Variants in ROBO2 observed in about 807,000 individuals in gnomAD.
The protein encoded by ROBO2 is roundabout guidance receptor 2, also known as roundabout homolog 2.
ROBO2 carries 53 observed loss-of-function variants against 160.8 expected under a neutral mutation model. That is an observed-to-expected ratio of 0.33 (90% CI 0.26 to 0.41). ROBO2 has a LOEUF of 0.41. Ranked by LOEUF, ROBO2 falls within the 10% of genes least tolerant of loss-of-function variation. The pLI, the probability that ROBO2 is intolerant of heterozygous loss-of-function variation, is 1.00. For synonymous variants in ROBO2, 664 were observed against 611.7 expected (o/e 1.09, Z -1.26); for missense variants, 1,577 against 1,722.4 (o/e 0.92, Z 1.49).
chr3:77,375,209 C>G (rs2072460720), intron 2 of ROBO2, among the ~76,000 whole-genome samples: 1 of 152,230 alleles, frequency 6.6e-6, no homozygotes, highest in African/African-American at 2.4e-5. Context: ...AAGACCTTGT[C>G]TCTAACAAAG....
intron 5 of ROBO2, among the ~76,000 whole-genome samples, chr3:77,520,616 A>C (rs889391516): frequency 4.0e-5 from 6 of 151,318 alleles, no homozygotes; most frequent in African/African-American, 1.4e-4. Context: ...TAGCTCTTGA[A>C]AAAACTCAGC....
At chr3:76,594,103 A>G (rs2086593567) in intron 2 of ROBO2, among the ~76,000 whole-genome samples, 1 of 151,980 alleles carries the variant, frequency 6.6e-6, no homozygotes, top group Non-Finnish European at 1.5e-5. Context: ...AGTTTAGAGT[A>G]GGGGGAATAT....
At position 76,416,427 on chromosome 3, in the gene ROBO2, G is replaced by T. The variant is rs192716466; in HGVS notation, c.109+478825G>T. 8.3e-3 allele frequency among the ~76,000 whole-genome samples: 1,264 copies of T among 151,938 alleles called. 16 individuals are homozygous for T. The highest frequency in any genetic ancestry group is 9.4e-3 in the Non-Finnish European group (639 of 67,928). On this transcript the variant is annotated intron_variant, in intron 2 of 26. Coordinates refer to the ROBO2 transcript ENST00000487694. ...TGAACATTAAAACTGTGTGTGTGTG[G>T]GGGGGAAATAATTTACATCAGAAGA...
At position 76,020,930 on chromosome 3, in the gene ROBO2, G is replaced by T. The variant is rs569045324; in HGVS notation, c.109+83328G>T. On this transcript the variant is annotated intron_variant, in intron 2 of 26. Coordinates refer to the ROBO2 transcript ENST00000487694. ...TTCAAACATGACAAAATATGTGAGA[G>T]GAGTACAAATACTAATAATTCCTAT... Among the ~76,000 whole-genome samples the T allele has an allele frequency of 9.5e-4, 144 of 151,888 alleles. 1 individual carries two copies. The highest frequency in any genetic ancestry group is 3.2e-3 in the African/African-American group (133 of 41,508).
At chr3:77,558,428 TA>T (rs1427891451) in intron 9 of ROBO2, among the ~76,000 whole-genome samples, 1 of 152,050 alleles carries the variant, frequency 6.6e-6, no homozygotes, top group African/African-American at 2.4e-5. Context: ...CTTAAACACA[TA>T]GCATTAATAT....
At chr3:76,863,850 T>C (rs2071079105) in intron 2 of ROBO2, among the ~76,000 whole-genome samples, 2 of 152,112 alleles carry the variant, frequency 1.3e-5, no homozygotes, top group Non-Finnish European at 2.9e-5. Flanking sequence ...CAATCTAAAT[T>C]TAAAGCAGGT....
intron 2 of ROBO2, among the ~76,000 whole-genome samples, chr3:77,242,711 T>A (rs2089210602): frequency 4.0e-5 from 6 of 151,884 alleles, no homozygotes; most frequent in Admixed American, 3.9e-4. Flanking sequence ...GTCTTTAACA[T>A]GTAGGGTAAA....
chr3:76,422,605 T>G (rs764309958), intron 2 of ROBO2, among the ~76,000 whole-genome samples: 2 of 152,238 alleles, frequency 1.3e-5, no homozygotes, highest in Non-Finnish European at 2.9e-5. Context: ...AAGAGTTGTT[T>G]CGTCTAACTT....
chr3:75,963,116 C>A (rs1347051642), intron 2 of ROBO2, among the ~76,000 whole-genome samples: 2 of 151,716 alleles, frequency 1.3e-5, no homozygotes, highest in Non-Finnish European at 1.5e-5. Flanking sequence ...AAAATCAGAG[C>A]AAAATATAAT....
chr3:77,240,388 C>T (rs1354090806), intron 2 of ROBO2, among the ~76,000 whole-genome samples: 5 of 152,272 alleles, frequency 3.3e-5, no homozygotes, highest in South Asian at 2.1e-4. Context: ...CGAGTGGGCC[C>T]GCCGAGCCCA....
At chr3:77,057,903 A>G (rs1169341375) in intron 1 of ROBO2, among the ~76,000 whole-genome samples, 1 of 152,042 alleles carries the variant, frequency 6.6e-6, no homozygotes, top group Non-Finnish European at 1.5e-5. Context: ...TGACGGGTTG[A>G]TAGGTGCATC....
intron 2 of ROBO2, among the ~76,000 whole-genome samples, chr3:76,790,660 G>A (rs555963484): frequency 1.8e-4 from 28 of 151,516 alleles, no homozygotes; most frequent in East Asian, 1.2e-3. Context: ...CAACTACATC[G>A]CATTTCCCAA....
chr3:77,193,240 G>T (rs2082021387), intron 2 of ROBO2, among the ~76,000 whole-genome samples: 1 of 151,366 alleles, frequency 6.6e-6, no homozygotes, highest in Non-Finnish European at 1.5e-5. Context: ...ATTCTTGTTG[G>T]CATGAGGACC....
intron 2 of ROBO2, among the ~76,000 whole-genome samples, chr3:75,944,660 G>A (rs544936278): frequency 6.6e-6 from 1 of 152,100 alleles, no homozygotes; most frequent in Non-Finnish European, 1.5e-5. Flanking sequence ...CAAAAGTTAG[G>A]AAGGACTAAG....
intron 2 of ROBO2, among the ~76,000 whole-genome samples, chr3:76,612,111 A>G (rs1339593503): frequency 6.6e-6 from 1 of 152,214 alleles, no homozygotes. Context: ...ATTGTGGTCA[A>G]AGAAGATACC....
intron 2 of ROBO2, among the ~76,000 whole-genome samples, chr3:77,406,117 C>A (rs1458244155): frequency 6.6e-6 from 1 of 152,190 alleles, no homozygotes; most frequent in South Asian, 2.1e-4. Context: ...GAAGGGAAAG[C>A]AAGGCACAGC....
chr3:76,134,806 A>G (rs1426123304), intron 2 of ROBO2, among the ~76,000 whole-genome samples: 2 of 152,118 alleles, frequency 1.3e-5, no homozygotes, highest in Admixed American at 6.6e-5. Context: ...GAAAACTAGT[A>G]AAATGAGTAT....
chr3:77,091,975 G>A (rs982841306), intron 1 of ROBO2: 6 of 144,250 alleles, frequency 4.2e-5, no homozygotes, highest in African/African-American at 1.6e-4. Context: ...GTGAGTCTCT[G>A]ACTCAAAATA....
At chr3:76,756,883 A>G (rs2061005469) in intron 2 of ROBO2, among the ~76,000 whole-genome samples, 1 of 151,806 alleles carries the variant, frequency 6.6e-6, no homozygotes, top group Admixed American at 6.6e-5. Flanking sequence ...GCAGCATGTT[A>G]TTTATAAACA....
Sources: gnomAD v4.1 joint callset for allele counts (sites outside exome capture counted in the v4.1 genomes callset) on GRCh38, gnomAD v4.1.1 for gene constraint, MANE v1.5 for transcripts, NCBI Gene and HGNC (gene_info 2026-07-23, HGNC 2026-07-21) for gene names.